ZFYVE28: variants seen among roughly 807,000 people sequenced by gnomAD.
ZFYVE28 encodes the protein zinc finger FYVE-type containing 28.
ZFYVE28 carries 40 observed loss-of-function variants against 82.1 expected under a neutral mutation model. The observed-to-expected ratio is 0.49, with a 90% CI of 0.38 to 0.63. ZFYVE28 has a LOEUF of 0.63. Among genes scored for constraint, ZFYVE28 ranks in the 30% least tolerant of loss-of-function variants. The pLI is 0.00. For synonymous variants in ZFYVE28, 612 were observed against 546.1 expected, an observed-to-expected ratio of 1.12 and a Z score of -1.68; for missense variants, 1,321 against 1,242.1, an observed-to-expected ratio of 1.06 and a Z score of -0.96.
At chr4:2,274,276 C>T (rs967137429) in intron 8 of ZFYVE28, 60 bp from the exon 9 acceptor site, 14 of 1,567,318 alleles carry the variant, frequency 8.9e-6, no homozygotes, top group Non-Finnish European at 1.2e-5. Context: ...CCGTGGAGCC[C>T]GAAGGTCACT....
chr4:2,392,461 A>G (rs1286439121), intron 1 of ZFYVE28, among the ~76,000 whole-genome samples: 1 of 152,240 alleles, frequency 6.6e-6, no homozygotes, highest in Non-Finnish European at 1.5e-5. Flanking sequence ...GAAAAGTACA[A>G]TCATGTTACA....
chr4:2,379,567 C>T (rs1263034068), intron 1 of ZFYVE28, among the ~76,000 whole-genome samples: 1 of 152,166 alleles, frequency 6.6e-6, no homozygotes, highest in African/African-American at 2.4e-5. Context: ...GACTGCCCCT[C>T]CTTAATAAAT....
chr4:2,353,721 G>A (rs1023346936), intron 2 of ZFYVE28, among the ~76,000 whole-genome samples: 1 of 152,106 alleles, frequency 6.6e-6, no homozygotes, highest in African/African-American at 2.4e-5. Flanking sequence ...TCCCCCAAGT[G>A]TCCCGTGCGG....
Position 2,322,790 on chromosome 4 carries a change from G to C in ZFYVE28, c.702-2519C>G, listed in dbSNP as rs76579450. 2.5e-3 allele frequency among the ~76,000 whole-genome samples: 379 copies of C among 152,226 alleles called. 14 individuals are homozygous for C. In the East Asian group the frequency reaches 0.063, roughly 25 times the overall value. On this transcript the variant is annotated intron_variant, in intron 6 of 12. Transcript: ENST00000290974. ...ACTGGCAATCCCTCATCTGCTTTCTGTCTCTATGAATTGGCCTATTCTGGG... is the reference window on the plus strand; with the variant it reads ...ACTGGCAATCCCTCATCTGCTTTCTCTCTCTATGAATTGGCCTATTCTGGG...
At position 2,271,786 on chromosome 4, in the gene ZFYVE28, G is replaced by A. The variant is rs1175975804; in HGVS notation, c.2324-7C>T. On this transcript the variant is annotated splice_polypyrimidine_tract_variant and splice_region_variant and intron_variant, in intron 10 of 12. Transcript: ENST00000290974. Reference sequence around the variant, plus strand: ...CTCCGCAGAGTCTGGGTGACTAGTGGAGAAGGGGGGCCGTCGGGGTATGGT... The same window carrying A: ...CTCCGCAGAGTCTGGGTGACTAGTGAAGAAGGGGGGCCGTCGGGGTATGGT... The A allele has an allele frequency of 5.0e-6, 8 of 1,612,502 alleles. No individual in the cohort carries two copies. In the African/African-American group the frequency reaches 1.1e-4, roughly 22 times the overall value.
intron 1 of ZFYVE28, among the ~76,000 whole-genome samples, chr4:2,384,433 G>A (rs1729041016): frequency 6.6e-6 from 1 of 152,212 alleles, no homozygotes; most frequent in Non-Finnish European, 1.5e-5. Context: ...TGGTTTCCCA[G>A]GACAGGGCTG....
chr4:2,375,404 C>G (rs941588145), intron 1 of ZFYVE28, among the ~76,000 whole-genome samples: 1 of 152,212 alleles, frequency 6.6e-6, no homozygotes, highest in South Asian at 2.1e-4. Flanking sequence ...AGGGTTCTGC[C>G]GGGCTCTTCC....
In ZFYVE28 at chr4:2,418,262, C is replaced by T. The variant is rs1418117674; in HGVS notation, c.39+23G>A. On this transcript the variant is annotated intron_variant, in intron 1 of 12. Transcript: ENST00000290974. This position sits in a 1 kb window ranked among gnomAD's most constrained non-coding sequence, Gnocchi z 4.6. The stretch of plus-strand genomic sequence containing the variant: ...GGAGAGGCCGCGACGCGGGGGGCGT[C>T]CGGCCCGAGCGGGGCCGCTCACCTT... The T allele has an allele frequency of 1.3e-6, 2 of 1,535,446 alleles. No individual in the cohort carries two copies. Among genetic ancestry groups the T allele is most frequent in the East Asian group, 5.2e-5 (2 of 38,790 alleles).
At chr4:2,278,937 C>A (rs545364326) in intron 8 of ZFYVE28, among the ~76,000 whole-genome samples, 20 of 150,218 alleles carry the variant, frequency 1.3e-4, no homozygotes, top group Non-Finnish European at 2.2e-4. Flanking sequence ...GTTCCCCCCC[C>A]CCTCAAAAAA....
chr4:2,312,207 G>A (rs1717559311), intron 7 of ZFYVE28, among the ~76,000 whole-genome samples: 1 of 152,094 alleles, frequency 6.6e-6, no homozygotes, highest in African/African-American at 2.4e-5. Flanking sequence ...ATTGGGCCTG[G>A]CCACATGGAT....
chr4:2,295,399 G>A (rs1714394114), intron 8 of ZFYVE28, among the ~76,000 whole-genome samples: 1 of 151,326 alleles, frequency 6.6e-6, no homozygotes, highest in African/African-American at 2.4e-5. Context: ...TCAAACTCCT[G>A]ACCTCAAGTG....
At chr4:2,275,290 T>C (rs1736313382) in intron 8 of ZFYVE28, among the ~76,000 whole-genome samples, 1 of 152,210 alleles carries the variant, frequency 6.6e-6, no homozygotes, top group African/African-American at 2.4e-5. Context: ...GCTGGGCCTG[T>C]ACTAACTCCG....
chr4:2,293,983 T>A (rs2108813328), intron 8 of ZFYVE28, among the ~76,000 whole-genome samples: 1 of 152,040 alleles, frequency 6.6e-6, no homozygotes, highest in East Asian at 1.9e-4. Context: ...AGAGATATAC[T>A]ATGTTTATGA....
intron 1 of ZFYVE28, among the ~76,000 whole-genome samples, chr4:2,401,918 C>A (rs1355778402): frequency 6.6e-6 from 1 of 152,212 alleles, no homozygotes; most frequent in Non-Finnish European, 1.5e-5. Flanking sequence ...GTTCACTTGG[C>A]CCTCCCAGCG....
Position 2,394,808 on chromosome 4 carries a change from C to G in ZFYVE28, c.39+23477G>C, listed in dbSNP as rs1351937821. On this transcript the variant is annotated intron_variant, in intron 1 of 12. Transcript: ENST00000290974. This position sits in a 1 kb window ranked among gnomAD's most constrained non-coding sequence, Gnocchi z 4.0. Reference sequence around the variant, plus strand: ...GAGGCGTCCTCGTCCTTGCAGCAACCCTGGTGCCAGCGGCAGATGCCAGCA... The same window carrying G: ...GAGGCGTCCTCGTCCTTGCAGCAACGCTGGTGCCAGCGGCAGATGCCAGCA... Among the ~76,000 whole-genome samples, 1 of 152,210 alleles carries G rather than the reference C, an allele frequency of 6.6e-6. No homozygotes were observed. Among genetic ancestry groups the G allele is most frequent in the Non-Finnish European group, 1.5e-5 (1 of 68,040 alleles).
chr4:2,320,402 C>T lies in ZFYVE28; in HGVS notation c.702-131G>A, dbSNP rs986421227. 3.0e-6 allele frequency: 2 copies of T among 668,078 alleles called. No homozygotes were observed. Among genetic ancestry groups the T allele is most frequent in the South Asian group, 2.0e-5 (1 of 48,996 alleles). The allele number at this position is 668,078 out of a possible 1,614,324, so 41.4% of individuals were successfully genotyped here. A position where few individuals can be genotyped will look rare whatever the true frequency, so the allele number is the denominator to read the frequency against. On this transcript the variant is annotated intron_variant, in intron 6 of 12. Transcript: ENST00000290974. This position sits in a 1 kb window ranked among gnomAD's most constrained non-coding sequence, Gnocchi z 5.1. ...CAGCGCCACTGTCCCAGCACGGCCG[C>T]CGCCTCATGCTTTGCCTTGTGTGAT...
chr4:2,390,144 G>A (rs560466894), intron 1 of ZFYVE28, among the ~76,000 whole-genome samples: 11 of 152,362 alleles, frequency 7.2e-5, no homozygotes, highest in African/African-American at 2.6e-4. Context: ...AGAGACAGAA[G>A]GAGGTGGCCA....
intron 3 of ZFYVE28, among the ~76,000 whole-genome samples, chr4:2,340,134 G>A (rs905889083): frequency 5.9e-5 from 9 of 152,254 alleles, no homozygotes; most frequent in Admixed American, 3.3e-4. Context: ...ATCCGGGCCC[G>A]AGGTCCCCAG....
rs767839571 is a variant in ZFYVE28 at position 2,417,020 on chromosome 4, G to A, written c.39+1265C>T. 3.9e-5 allele frequency among the ~76,000 whole-genome samples: 6 copies of A among 152,246 alleles called. No individual in the cohort carries two copies. The highest frequency in any genetic ancestry group is 1.4e-4 in the African/African-American group (6 of 41,472). On this transcript the variant is annotated intron_variant, in intron 1 of 12. Transcript: ENST00000290974. The surrounding 1 kb of genome is among the most constrained non-coding windows in gnomAD (Gnocchi z 4.8). ...CTGGAATGGGCGCACGCGAGGCACGGATTTCAGGAAACCTCTGCCGTGACA... is the reference window on the plus strand; with the variant it reads ...CTGGAATGGGCGCACGCGAGGCACGAATTTCAGGAAACCTCTGCCGTGACA...
Sources: allele counts gnomAD v4.1 joint callset (sites outside exome capture counted in the v4.1 genomes callset), GRCh38; gene constraint gnomAD v4.1.1; non-coding constraint Gnocchi (gnomAD v3.1); transcripts MANE v1.5; gene names NCBI Gene and HGNC (gene_info 2026-07-23, HGNC 2026-07-21).